MYO16: variants seen among roughly 807,000 people sequenced by gnomAD.
MYO16 encodes the protein unconventional myosin-XVI.
In MYO16, 94 loss-of-function variants were observed where a neutral mutation model predicts 205.3. The observed-to-expected ratio is 0.46, with a 90% CI of 0.39 to 0.54. MYO16 has a LOEUF of 0.54. MYO16 is among the 20% of genes least tolerant of loss of function. The probability of loss-of-function intolerance (pLI) is 0.00; values close to 1 mark genes in which losing one functional copy is unlikely to be tolerated. For synonymous variants in MYO16, 988 were observed against 954.0 expected (o/e 1.04, Z -0.66); for missense variants, 2,315 against 2,387.5 (o/e 0.97, Z 0.63).
intron 27 of MYO16, among the ~76,000 whole-genome samples, chr13:109,080,577 TTCAA>T (rs1259760876): frequency 5.7e-4 from 44 of 77,564 alleles, no homozygotes; most frequent in African/African-American, 1.5e-3. Flanking sequence ...TGTGCCCCTC[TTCAA>T]AAAAAAAAAA....
chr13:109,122,169 A>G (rs1460909897), intron 29 of MYO16, among the ~76,000 whole-genome samples: 1 of 152,214 alleles, frequency 6.6e-6, no homozygotes, highest in Non-Finnish European at 1.5e-5. Context: ...AAACTGGGAC[A>G]GGGAGAGTCT....
chr13:108,753,878 G>A (rs1566587919), intron 4 of MYO16, among the ~76,000 whole-genome samples: 1 of 152,162 alleles, frequency 6.6e-6, no homozygotes, highest in Non-Finnish European at 1.5e-5. Context: ...TTTAAAAAGA[G>A]GCTATACTTT....
chr13:108,850,227 TG>T (rs1566368471), intron 10 of MYO16, among the ~76,000 whole-genome samples: 1 of 152,218 alleles, frequency 6.6e-6, no homozygotes, highest in East Asian at 1.9e-4. Flanking sequence ...TGTTGCCCCC[TG>T]GGCTTCTACT....
At position 108,603,394 on chromosome 13, in the gene MYO16, G is replaced by C. The variant is rs76462552; in HGVS notation, c.-39+7155G>C. On this transcript the variant is annotated intron_variant, in intron 1 of 24. Transcript: ENST00000251041. Reference sequence around the variant, plus strand: ...TTTATTTCTAAATTGAACCAAAGTTGGGAAAAATTCATGGACTTAATATGA... The same window carrying C: ...TTTATTTCTAAATTGAACCAAAGTTCGGAAAAATTCATGGACTTAATATGA... Among the ~76,000 whole-genome samples, 531 of 152,126 alleles carry C rather than the reference G, an allele frequency of 3.5e-3. 2 individuals are homozygous for C. The highest frequency in any genetic ancestry group is 6.2e-3 in the Non-Finnish European group (421 of 68,000).
In MYO16 at chr13:109,141,851, A is replaced by C. The variant is rs1301396571; in HGVS notation, c.5164+475A>C. On this transcript the variant is annotated intron_variant, in intron 32 of 34. Coordinates refer to ENST00000457511, the MANE Select transcript of MYO16 (RefSeq NM_001198950.3). The surrounding 1 kb of genome is among the most constrained non-coding windows in gnomAD (Gnocchi z 4.1). The stretch of plus-strand genomic sequence containing the variant: ...CTGGCGGTGTCTGGGATGTTGACCT[A>C]GCCAGTTACTACCCTGCGCTTAATG... Among the ~76,000 whole-genome samples the C allele has an allele frequency of 6.6e-6, 1 of 152,128 alleles. No individual in the cohort carries two copies. Among genetic ancestry groups the C allele is most frequent in the African/African-American group, 2.4e-5 (1 of 41,414 alleles).
chr13:109,020,128 A>G (rs1298471901), intron 23 of MYO16, among the ~76,000 whole-genome samples: 1 of 152,172 alleles, frequency 6.6e-6, no homozygotes, highest in East Asian at 1.9e-4. Context: ...GCCTTCTCAT[A>G]ATGTTTCTAG....
intron 16 of MYO16, among the ~76,000 whole-genome samples, chr13:108,933,363 T>C (rs1882342957): frequency 6.6e-6 from 1 of 152,176 alleles, no homozygotes; most frequent in African/African-American, 2.4e-5. Context: ...AGTTGTTCTT[T>C]CCTAATAATA....
chr13:108,529,817 C>T, the MYO16 span, among the ~76,000 whole-genome samples: 1 of 152,206 alleles, frequency 6.6e-6, no homozygotes, highest in Non-Finnish European at 1.5e-5. Flanking sequence ...CCTGGTGCAA[C>T]AGAACCAATT....
intron 4 of MYO16, among the ~76,000 whole-genome samples, chr13:108,756,788 C>A (rs1227999550): frequency 6.6e-6 from 1 of 152,148 alleles, no homozygotes; most frequent in African/African-American, 2.4e-5. Flanking sequence ...CTCTCATAGA[C>A]ACAACCAGAA....
At chr13:108,617,411 C>T (rs1879386624) in intron 1 of MYO16, among the ~76,000 whole-genome samples, 1 of 152,200 alleles carries the variant, frequency 6.6e-6, no homozygotes, top group Admixed American at 6.5e-5. Flanking sequence ...GCTATGATAG[C>T]TCATTTCAGC....
At chr13:108,627,897 G>A (rs149121094), upstream of MYO16, among the ~76,000 whole-genome samples, 36 of 152,152 alleles carry the variant, frequency 2.4e-4, no homozygotes, top group African/African-American at 8.4e-4. Flanking sequence ...AGGTATATAG[G>A]CAACATACTA....
chr13:109,186,935 G>A (rs1417234367), intron 34 of MYO16, among the ~76,000 whole-genome samples: 6 of 152,160 alleles, frequency 3.9e-5, no homozygotes, highest in Non-Finnish European at 7.3e-5. Context: ...TTCAACTGTA[G>A]TGGTTATTAC....
intron 1 of MYO16, among the ~76,000 whole-genome samples, chr13:108,610,193 G>T (rs968344096): frequency 5.3e-5 from 8 of 152,140 alleles, no homozygotes; most frequent in African/African-American, 1.7e-4. Context: ...GTAGGATGAG[G>T]AGGTGGCAAG....
chr13:109,122,413 T>G (rs919901993), intron 29 of MYO16, among the ~76,000 whole-genome samples: 2 of 152,316 alleles, frequency 1.3e-5, no homozygotes, highest in East Asian at 3.9e-4. Flanking sequence ...GCGCAGTGGC[T>G]CACGCCTGTA....
Position 109,055,563 on chromosome 13 carries a change from T to C in MYO16, c.3303T>C (p.Pro1101=). The C allele has an allele frequency of 6.2e-7, 1 of 1,612,220 alleles. No individual in the cohort carries two copies. The highest frequency in any genetic ancestry group is 8.5e-7 in the Non-Finnish European group (1 of 1,179,316). Residue 1101 remains proline, a synonymous_variant, in exon 27 of 35, where the codon CCT becomes CCC. Transcript: ENST00000457511. The surrounding 1 kb of genome is among the most constrained non-coding windows in gnomAD (Gnocchi z 5.0). ...EMVKIFRYGY[P]VRLSFSDFLS... ...TGAAGATCTTCCGATATGGATACCCTGTTCGCCTTTCCTTCTCGGATTTCC... is the reference window on the plus strand; with the variant it reads ...TGAAGATCTTCCGATATGGATACCCCGTTCGCCTTTCCTTCTCGGATTTCC...
chr13:108,565,656 T>G, the MYO16 span, among the ~76,000 whole-genome samples: 7 of 152,328 alleles, frequency 4.6e-5, no homozygotes, highest in Non-Finnish European at 1.0e-4. Flanking sequence ...CTTTTCAATT[T>G]TGATACGCTT....
intron 6 of MYO16, among the ~76,000 whole-genome samples, chr13:108,804,083 G>C (rs1887043500): frequency 6.6e-6 from 1 of 152,120 alleles, no homozygotes; most frequent in Non-Finnish European, 1.5e-5. Context: ...CGTGGCTTCG[G>C]ATCTCAGTAA....
chr13:108,680,916 C>A (rs1882434866), intron 2 of MYO16, among the ~76,000 whole-genome samples: 1 of 152,164 alleles, frequency 6.6e-6, no homozygotes, highest in Admixed American at 6.5e-5. Flanking sequence ...TTATTAAAAT[C>A]TCAATGGCCA....
At chr13:108,564,278 C>T in the MYO16 span, among the ~76,000 whole-genome samples, 2 of 150,672 alleles carry the variant, frequency 1.3e-5, no homozygotes, top group Admixed American at 6.7e-5. Flanking sequence ...TCAAGTGATT[C>T]TCCTGCTTCA....
Sources: allele counts gnomAD v4.1 joint callset (sites outside exome capture counted in the v4.1 genomes callset), GRCh38; gene constraint gnomAD v4.1.1; non-coding constraint Gnocchi (gnomAD v3.1); transcripts MANE v1.5; gene names NCBI Gene and HGNC (gene_info 2026-07-23, HGNC 2026-07-21).